Variants in CDC14A observed in about 807,000 individuals in gnomAD.
CDC14A encodes cell division cycle 14A.
Under a neutral mutation model 74.4 loss-of-function variants are expected in CDC14A, and 53 were observed. The observed-to-expected ratio is 0.71, with a 90% CI of 0.57 to 0.89. The LOEUF is 0.89. Ranked by LOEUF, CDC14A falls within the 40% of genes least tolerant of loss-of-function variation. The probability of loss-of-function intolerance (pLI) is 0.00; values close to 1 mark genes in which losing one functional copy is unlikely to be tolerated. For synonymous variants in CDC14A, 247 were observed against 258.4 expected, an observed-to-expected ratio of 0.96 and a Z score of 0.43; for missense variants, 646 against 713.7, an observed-to-expected ratio of 0.91 and a Z score of 1.08.
intron 5 of CDC14A, among the ~76,000 whole-genome samples, chr1:100,437,181 G>C (rs1012793919): frequency 6.6e-6 from 1 of 152,046 alleles, no homozygotes; most frequent in African/African-American, 2.4e-5. Context: ...GTGAGACCCT[G>C]TTTCAAAGAA....
At chr1:100,374,322 G>A (rs1336962168) in intron 2 of CDC14A, among the ~76,000 whole-genome samples, 1 of 152,090 alleles carries the variant, frequency 6.6e-6, no homozygotes, top group African/African-American at 2.4e-5. Flanking sequence ...TATATACCCA[G>A]TAATGGGATG....
chr1:100,498,038 A>G (rs1360095321), intron 13 of CDC14A, 47 bp from the exon 14 acceptor site: 2 of 1,582,978 alleles, frequency 1.3e-6, no homozygotes, highest in Admixed American at 1.8e-5. Context: ...TGAATGTTTA[A>G]GATAAGACTA....
At chr1:100,450,938 G>T (rs1666079340) in intron 7 of CDC14A, among the ~76,000 whole-genome samples, 1 of 152,132 alleles carries the variant, frequency 6.6e-6, no homozygotes, top group African/African-American at 2.4e-5. Flanking sequence ...TTCCTACTTG[G>T]TTTATTCTAT....
At position 100,353,002 on chromosome 1, in the gene CDC14A, A is replaced by G. The variant is rs753668245; in HGVS notation, c.48A>G (p.Lys16=). Residue 16 remains lysine (K), a splice_region_variant and synonymous_variant, in exon 1 of 16, where the codon AAA becomes AAG. Coordinates refer to ENST00000336454, the MANE Select transcript of CDC14A (RefSeq NM_003672.4). Reference sequence around the variant, plus strand: ...TAATCGGGGCTTGTGAGTTCATGAAAGGTGAGGAGCAGCCGCCCCGCATCT... The same window carrying G: ...TAATCGGGGCTTGTGAGTTCATGAAGGGTGAGGAGCAGCCGCCCCGCATCT... The part of the protein sequence containing the change: ...GELIGACEFM[K]DRLYFATLRN... The G allele has an allele frequency of 6.2e-7, 1 of 1,614,126 alleles. No homozygotes were observed. Among genetic ancestry groups the G allele is most frequent in the East Asian group, 2.2e-5 (1 of 44,880 alleles).
chr1:100,394,040 G>A (rs1262812449), intron 4 of CDC14A: 2 of 252,010 alleles, frequency 7.9e-6, no homozygotes, highest in Non-Finnish European at 1.5e-5. Context: ...GGGGACCTCA[G>A]GTTTGCCCTA....
intron 10 of CDC14A, among the ~76,000 whole-genome samples, chr1:100,483,678 G>T (rs533448832): frequency 6.6e-6 from 1 of 152,232 alleles, no homozygotes; most frequent in African/African-American, 2.4e-5. Flanking sequence ...GAAAACAGTT[G>T]TGATTTTGCC....
At chr1:100,423,130 C>A (rs527543199) in intron 4 of CDC14A, among the ~76,000 whole-genome samples, 4 of 152,340 alleles carry the variant, frequency 2.6e-5, no homozygotes, top group Admixed American at 2.6e-4. Flanking sequence ...AAATTGAGCT[C>A]TCCCAGTGGT....
At chr1:100,453,278 T>C (rs1050329906) in intron 7 of CDC14A, among the ~76,000 whole-genome samples, 1 of 152,242 alleles carries the variant, frequency 6.6e-6, no homozygotes, top group Non-Finnish European at 1.5e-5. Context: ...TGGATTTCTG[T>C]AATCCAAATA....
chr1:100,373,486 T>TG (rs1195442618), intron 2 of CDC14A, among the ~76,000 whole-genome samples: 1 of 152,184 alleles, frequency 6.6e-6, no homozygotes, highest in African/African-American at 2.4e-5. Flanking sequence ...AGTGAGCACA[T>TG]GCTGTTGGAG....
At chr1:100,449,181 T>G (rs1301277666) in intron 7 of CDC14A, among the ~76,000 whole-genome samples, 1 of 152,234 alleles carries the variant, frequency 6.6e-6, no homozygotes, top group East Asian at 1.9e-4. Flanking sequence ...TTAGCCACAT[T>G]ACAATGTAGC....
intron 4 of CDC14A, among the ~76,000 whole-genome samples, chr1:100,407,423 T>G (rs1346709659): frequency 6.6e-6 from 1 of 152,190 alleles, no homozygotes; most frequent in African/African-American, 2.4e-5. Context: ...TCACTTCCCT[T>G]GTTAGCTGTA....
At chr1:100,469,958 T>C (rs1323599767) in intron 10 of CDC14A, among the ~76,000 whole-genome samples, 1 of 152,194 alleles carries the variant, frequency 6.6e-6, no homozygotes, top group Non-Finnish European at 1.5e-5. Flanking sequence ...TTAAGCTGTA[T>C]ATAAAGAACT....
At chr1:100,517,266 A>G (rs1443271997) in intron 15 of CDC14A, among the ~76,000 whole-genome samples, 2 of 152,200 alleles carry the variant, frequency 1.3e-5, no homozygotes, top group Non-Finnish European at 2.9e-5. Context: ...GATAACCTAT[A>G]TCATCACCAA....
At position 100,377,619 on chromosome 1, in the gene CDC14A, A is replaced by T; in HGVS notation, c.214A>T (p.Lys72Ter). The change falls in exon 3 of 16, where the codon AAA (lysine) becomes TAA (stop). Residue 72 changes from lysine (K) to a stop codon, truncating the protein, a stop_gained and splice_region_variant. Coordinates refer to ENST00000336454, the MANE Select transcript of CDC14A (RefSeq NM_003672.4). LOFTEE classifies it high-confidence loss of function. ...TTGCTGCAAACTAAACAAGAAACTA[A>T]AAGTGAGTATTGTAGTGATATTTAT... ...RYCCKLNKKL[K>*]SYSLSRKKIV... is the part of the protein sequence containing the mutation. The T allele has an allele frequency of 6.2e-7, 1 of 1,606,922 alleles. No individual in the cohort carries two copies. The highest frequency in any genetic ancestry group is 8.5e-7 in the Non-Finnish European group (1 of 1,173,634).
At chr1:100,368,781 C>A (rs1455660418) in intron 2 of CDC14A, among the ~76,000 whole-genome samples, 1 of 152,132 alleles carries the variant, frequency 6.6e-6, no homozygotes, top group Non-Finnish European at 1.5e-5. Flanking sequence ...TCTATTGTTG[C>A]CATCTTTTTG....
intron 2 of CDC14A, among the ~76,000 whole-genome samples, chr1:100,377,236 C>A (rs2100947512): frequency 6.6e-6 from 1 of 152,176 alleles, no homozygotes; most frequent in East Asian, 1.9e-4. Flanking sequence ...GATGGGGTTT[C>A]TCCATGTTGG....
At chr1:100,366,627 A>G (rs1250891087) in intron 2 of CDC14A, among the ~76,000 whole-genome samples, 12 of 152,044 alleles carry the variant, frequency 7.9e-5, no homozygotes, top group Admixed American at 7.9e-4. Flanking sequence ...TACCCTTGTG[A>G]ATGTTTGCTC....
chr1:100,387,392 G>A (rs752610929), intron 3 of CDC14A, among the ~76,000 whole-genome samples: 4 of 152,134 alleles, frequency 2.6e-5, no homozygotes, highest in African/African-American at 4.8e-5. Flanking sequence ...GCCAAGCTTC[G>A]CTAAGCAGGA....
At chr1:100,500,776 C>T (rs1025469495) in intron 15 of CDC14A, among the ~76,000 whole-genome samples, 2 of 136,488 alleles carry the variant, frequency 1.5e-5, no homozygotes, top group African/African-American at 5.5e-5. Flanking sequence ...AAAAAGAAAC[C>T]ATGAGGATGA....
Sources: gnomAD v4.1 joint callset for allele counts (sites outside exome capture counted in the v4.1 genomes callset) on GRCh38, gnomAD v4.1.1 for gene constraint, MANE v1.5 for transcripts, NCBI Gene and HGNC (gene_info 2026-07-23, HGNC 2026-07-21) for gene names.